MSRA: variants seen among roughly 807,000 people sequenced by gnomAD.
MSRA encodes methionine sulfoxide reductase A, also known as mitochondrial peptide methionine sulfoxide reductase.
A neutral mutation model predicts 31.3 loss-of-function variants in MSRA; 54 were observed. The ratio of observed to expected loss-of-function variants is 1.73; its 90% CI spans 1.39 to 2.17. The LOEUF (loss-of-function observed/expected upper bound fraction) is 2.17, where lower values mean the gene tolerates loss of function less well. Among genes scored for constraint, MSRA ranks in the 30% most tolerant of loss-of-function variants. The probability of loss-of-function intolerance (pLI) is 0.00; values close to 1 mark genes in which losing one functional copy is unlikely to be tolerated. For missense variants in MSRA, 507 were observed against 300.9 expected (o/e 1.69, Z -5.07); for synonymous variants, 169 against 116.5 (o/e 1.45, Z -2.90).
At chr8:10,194,720 A>T (rs983745929) in intron 1 of MSRA, among the ~76,000 whole-genome samples, 1 of 152,164 alleles carries the variant, frequency 6.6e-6, no homozygotes, top group East Asian at 1.9e-4. Flanking sequence ...AAATGGGATC[A>T]TCTTTGACAT....
chr8:10,189,362 A>T (rs1460560364), intron 1 of MSRA, among the ~76,000 whole-genome samples: 1 of 151,874 alleles, frequency 6.6e-6, no homozygotes, highest in Non-Finnish European at 1.5e-5. Flanking sequence ...TTTTGAACTG[A>T]CTAGGACCTC....
intron 1 of MSRA, among the ~76,000 whole-genome samples, chr8:10,114,982 T>C (rs1292076953): frequency 1.3e-5 from 2 of 152,212 alleles, no homozygotes; most frequent in Non-Finnish European, 2.9e-5. Flanking sequence ...ATTTACCAGA[T>C]ATTAAAACAT....
chr8:10,132,191 T>C (rs1801944049), intron 1 of MSRA, among the ~76,000 whole-genome samples: 1 of 152,222 alleles, frequency 6.6e-6, no homozygotes, highest in South Asian at 2.1e-4. Context: ...TTCTGTAAAT[T>C]GGAGATTTTG....
chr8:10,272,554 G>A (rs1044655210), intron 3 of MSRA, among the ~76,000 whole-genome samples: 13 of 152,226 alleles, frequency 8.5e-5, no homozygotes, highest in South Asian at 2.1e-4. Context: ...CCGGGTCTAC[G>A]GATTCAAATG....
At chr8:10,288,719 A>C (rs1800069821) in intron 3 of MSRA, among the ~76,000 whole-genome samples, 1 of 152,190 alleles carries the variant, frequency 6.6e-6, no homozygotes, top group Non-Finnish European at 1.5e-5. Flanking sequence ...TACATTTATT[A>C]TTAATAGTTT....
intron 1 of MSRA, among the ~76,000 whole-genome samples, chr8:10,173,390 C>T (rs991675545): frequency 5.3e-5 from 8 of 152,218 alleles, no homozygotes; most frequent in South Asian, 2.1e-4. Flanking sequence ...CAAATCGAAA[C>T]GGCTTGGCGT....
chr8:10,158,259 G>T (rs931706106), intron 1 of MSRA, among the ~76,000 whole-genome samples: 1 of 152,212 alleles, frequency 6.6e-6, no homozygotes, highest in Non-Finnish European at 1.5e-5. Flanking sequence ...CATTCAGACC[G>T]TAGCAAATGG....
intron 1 of MSRA, among the ~76,000 whole-genome samples, chr8:10,200,407 C>T (rs114771793): frequency 1.9e-3 from 284 of 152,342 alleles, no homozygotes; most frequent in African/African-American, 6.3e-3. Context: ...CCTTCCCCTT[C>T]ACCTCCAGCT....
intron 5 of MSRA, among the ~76,000 whole-genome samples, chr8:10,415,914 G>C (rs1233554785): frequency 2.0e-5 from 3 of 151,960 alleles, no homozygotes; most frequent in Non-Finnish European, 4.4e-5. Flanking sequence ...TGCCCTCAAA[G>C]GACTGTTTGC....
chr8:10,330,006 A>ATGTGTGTG (rs72198519), intron 5 of MSRA, among the ~76,000 whole-genome samples: 10,145 of 135,266 alleles, frequency 0.075, 428 homozygotes, highest in Admixed American at 0.1. Flanking sequence ...AGAGAAAAAA[A>ATGTGTGTG]TGTGTGTGTG....
At chr8:10,155,927 T>C (rs190739287) in intron 1 of MSRA, among the ~76,000 whole-genome samples, 8 of 152,240 alleles carry the variant, frequency 5.3e-5, no homozygotes, top group Non-Finnish European at 7.4e-5. Flanking sequence ...GTGAAAACTA[T>C]TGGATGAGAG....
intron 1 of MSRA, among the ~76,000 whole-genome samples, chr8:10,119,334 C>G (rs1800933374): frequency 6.6e-6 from 1 of 152,180 alleles, no homozygotes. Flanking sequence ...TGGCAGAACG[C>G]TGTAGGATCC....
intron 1 of MSRA, among the ~76,000 whole-genome samples, chr8:10,154,017 C>T (rs529862627): frequency 6.6e-6 from 1 of 152,270 alleles, no homozygotes; most frequent in East Asian, 1.9e-4. Flanking sequence ...TAAATCAAAA[C>T]CAATGTGGTC....
intron 1 of MSRA, among the ~76,000 whole-genome samples, chr8:10,139,667 T>A (rs1420040297): frequency 6.6e-6 from 1 of 152,252 alleles, no homozygotes; most frequent in Non-Finnish European, 1.5e-5. Flanking sequence ...GGCCACCAGT[T>A]CTATTCATAT....
At chr8:10,423,040 C>T (rs1464822943) in intron 5 of MSRA, among the ~76,000 whole-genome samples, 2 of 152,214 alleles carry the variant, frequency 1.3e-5, no homozygotes, top group African/African-American at 4.8e-5. Context: ...GTCACGGGTG[C>T]AGCCTCCTTA....
intron 5 of MSRA, among the ~76,000 whole-genome samples, chr8:10,381,690 C>T (rs1484378582): frequency 1.3e-5 from 2 of 152,198 alleles, no homozygotes; most frequent in Non-Finnish European, 2.9e-5. Flanking sequence ...GCACTTTTCC[C>T]TACTGCCCCA....
chr8:10,090,029 G>T (rs940804856), intron 1 of MSRA, among the ~76,000 whole-genome samples: 2 of 152,164 alleles, frequency 1.3e-5, no homozygotes, highest in African/African-American at 4.8e-5. Context: ...CCAAACCACA[G>T]CAGCATGAAA....
Position 10,110,506 on chromosome 8 carries a change from G to A in MSRA, c.142+55848G>A, listed in dbSNP as rs768461879. On this transcript the variant is annotated intron_variant, in intron 1 of 5. Transcript: ENST00000317173. ...GAGAAACAGTGCAAACAAGACCACC[G>A]CTTCCTATTTGTGTCATTGTCTGGC... Among the ~76,000 whole-genome samples, 34 of 152,282 alleles carry A rather than the reference G, an allele frequency of 2.2e-4. No individual in the cohort carries two copies. In the South Asian group the frequency reaches 4.1e-3, roughly 19 times the overall value.
intron 1 of MSRA, among the ~76,000 whole-genome samples, chr8:10,204,500 T>G (rs772967874): frequency 2.6e-5 from 4 of 152,222 alleles, no homozygotes; most frequent in Non-Finnish European, 4.4e-5. Flanking sequence ...TACTTATCAT[T>G]GTATTACAGT....
Sources: allele counts gnomAD v4.1 joint callset (sites outside exome capture counted in the v4.1 genomes callset), GRCh38; gene constraint gnomAD v4.1.1; transcripts MANE v1.5; gene names NCBI Gene and HGNC (gene_info 2026-07-23, HGNC 2026-07-21).